The following BABAM2 variants were observed in gnomAD, a reference collection of about 807,000 sequenced individuals.
BABAM2 encodes the protein BRISC and BRCA1-A complex member 2.
A neutral mutation model predicts 54.7 loss-of-function variants in BABAM2; 31 were observed. The ratio of observed to expected loss-of-function variants is 0.57; its 90% CI spans 0.43 to 0.77. BABAM2 has a LOEUF of 0.77. Among genes scored for constraint, BABAM2 ranks in the 30% least tolerant of loss-of-function variants. The pLI is 0.00. For missense variants in BABAM2, 364 were observed against 455.8 expected (o/e 0.80, Z 1.83); for synonymous variants, 167 against 162.9 (o/e 1.03, Z -0.19).
chr2:28,311,317 C>T (rs904534643), intron 11 of BABAM2, among the ~76,000 whole-genome samples: 22 of 151,818 alleles, frequency 1.4e-4, no homozygotes, highest in Non-Finnish European at 2.6e-4. Context: ...CCAATTACCC[C>T]GCCAGCCACT....
At chr2:27,974,774 G>A (rs1671471510) in intron 3 of BABAM2, among the ~76,000 whole-genome samples, 1 of 151,964 alleles carries the variant, frequency 6.6e-6, no homozygotes, top group Non-Finnish European at 1.5e-5. Context: ...GAAATAAAAG[G>A]CATATGGATT....
chr2:28,100,166 T>C (rs796757178), intron 6 of BABAM2, among the ~76,000 whole-genome samples: 2 of 152,234 alleles, frequency 1.3e-5, no homozygotes, highest in African/African-American at 4.8e-5. Context: ...GATGGCTGCC[T>C]TGGCCAGGCA....
intron 7 of BABAM2, among the ~76,000 whole-genome samples, chr2:28,219,802 C>T (rs1403438416): frequency 6.6e-6 from 1 of 152,140 alleles, no homozygotes; most frequent in Non-Finnish European, 1.5e-5. Flanking sequence ...AAAAATAGTG[C>T]TTGAAGGTTG....
At chr2:27,931,765 G>A (rs1668112980) in intron 3 of BABAM2, among the ~76,000 whole-genome samples, 2 of 152,128 alleles carry the variant, frequency 1.3e-5, no homozygotes, top group South Asian at 4.1e-4. Flanking sequence ...ACTTAGGGTA[G>A]TATATTCTTT....
At chr2:28,265,203 G>A (rs548243156) in intron 10 of BABAM2, among the ~76,000 whole-genome samples, 14 of 152,138 alleles carry the variant, frequency 9.2e-5, no homozygotes, top group Non-Finnish European at 1.6e-4. Flanking sequence ...TTGGGAGGCC[G>A]AGGCGGAGGA....
chr2:28,133,990 A>G lies in BABAM2; in HGVS notation c.680+4610A>G, dbSNP rs962242768. ...GCACGCCCTTACGATGCTTAGATGC[A>G]TATTGTTTACCGGTCTCCCACTGCG... On this transcript the variant is annotated intron_variant, in intron 7 of 11. Coordinates refer to ENST00000379624, the MANE Select transcript of BABAM2 (RefSeq NM_199191.3). 9.8e-5 allele frequency among the ~76,000 whole-genome samples: 15 copies of G among 152,290 alleles called. No homozygotes were observed. In the East Asian group the frequency reaches 2.3e-3, roughly 24 times the overall value.
At chr2:28,273,008 C>T (rs1003328050) in intron 10 of BABAM2, among the ~76,000 whole-genome samples, 3 of 152,128 alleles carry the variant, frequency 2.0e-5, no homozygotes, top group Admixed American at 2.0e-4. Flanking sequence ...TCTGGAATGC[C>T]GTGGAACTTT....
chr2:28,304,342 C>T lies in BABAM2; in HGVS notation c.1088+5851C>T, dbSNP rs1688342068. On this transcript the variant is annotated intron_variant, in intron 11 of 11. Transcript: ENST00000379624. This position sits in a 1 kb window ranked among gnomAD's most constrained non-coding sequence, Gnocchi z 4.0. ...AAGTGCTGGCATTACAGGCATGAGC[C>T]ACTGCATTCCACCTGTTTTTGCTTT... Among the ~76,000 whole-genome samples the T allele has an allele frequency of 6.6e-6, 1 of 151,276 alleles. No homozygotes were observed. Among genetic ancestry groups the T allele is most frequent in the African/African-American group, 2.4e-5 (1 of 41,256 alleles).
chr2:28,012,506 A>G (rs1405987827), intron 4 of BABAM2, among the ~76,000 whole-genome samples: 1 of 152,202 alleles, frequency 6.6e-6, no homozygotes, highest in Non-Finnish European at 1.5e-5. Context: ...CTGGTTTAAA[A>G]CTTGAGCATT....
chr2:27,956,636 A>G (rs935976002), intron 3 of BABAM2, among the ~76,000 whole-genome samples: 1 of 152,202 alleles, frequency 6.6e-6, no homozygotes, highest in Non-Finnish European at 1.5e-5. Context: ...AATTTTGGGA[A>G]TCTTCCAGTG....
At chr2:27,935,827 C>T (rs1428261963) in intron 3 of BABAM2, among the ~76,000 whole-genome samples, 2 of 152,200 alleles carry the variant, frequency 1.3e-5, no homozygotes, top group African/African-American at 4.8e-5. Flanking sequence ...CAGGACCCTG[C>T]AGTAGCAAAG....
At chr2:28,122,178 T>C (rs1418774609) in intron 6 of BABAM2, among the ~76,000 whole-genome samples, 1 of 152,066 alleles carries the variant, frequency 6.6e-6, no homozygotes, top group East Asian at 1.9e-4. Context: ...ATTGCACCAC[T>C]GCACTCCAGC....
chr2:28,026,805 A>ATATATAAATATATATTTAT (rs1342372223), intron 5 of BABAM2, among the ~76,000 whole-genome samples: 1 of 76,554 alleles, frequency 1.3e-5, no homozygotes, highest in Non-Finnish European at 2.5e-5. Flanking sequence ...TTATATAAAA[A>ATATATAAATATATATTTAT]ATATATAAAT....
chr2:27,997,962 G>A (rs1009340506), intron 4 of BABAM2, among the ~76,000 whole-genome samples: 1 of 152,136 alleles, frequency 6.6e-6, no homozygotes, highest in Non-Finnish European at 1.5e-5. Flanking sequence ...AGACAAGCCT[G>A]ACCAACATGG....
At chr2:28,188,182 C>T (rs1325813572) in intron 7 of BABAM2, among the ~76,000 whole-genome samples, 1 of 152,126 alleles carries the variant, frequency 6.6e-6, no homozygotes, top group Non-Finnish European at 1.5e-5. Context: ...TAGAAGGCTC[C>T]CATGCCATCA....
chr2:28,150,872 A>G (rs1457071844), intron 7 of BABAM2, among the ~76,000 whole-genome samples: 1 of 152,238 alleles, frequency 6.6e-6, no homozygotes, highest in Non-Finnish European at 1.5e-5. Flanking sequence ...ATCTTTAAAG[A>G]AATGTATTTT....
chr2:28,244,441 T>C (rs1223741850), intron 9 of BABAM2, among the ~76,000 whole-genome samples: 1 of 112,502 alleles, frequency 8.9e-6, no homozygotes, highest in Non-Finnish European at 2.0e-5. Flanking sequence ...CACATTTGTA[T>C]AGTATTTTAT....
intron 4 of BABAM2, among the ~76,000 whole-genome samples, chr2:28,013,029 G>A (rs1674511675): frequency 6.6e-6 from 1 of 152,158 alleles, no homozygotes; most frequent in Non-Finnish European, 1.5e-5. Context: ...ATGGAGTGGG[G>A]CTGCATACTG....
intron 10 of BABAM2, among the ~76,000 whole-genome samples, chr2:28,259,905 C>CTT (rs35967320): frequency 7.8e-4 from 114 of 146,442 alleles, no homozygotes; most frequent in South Asian, 1.5e-3. Context: ...CTTCTGAATT[C>CTT]TTTTTTTTTT....
Sources: gnomAD v4.1 joint callset for allele counts (sites outside exome capture counted in the v4.1 genomes callset) on GRCh38, gnomAD v4.1.1 for gene constraint, Gnocchi (gnomAD v3.1) non-coding constraint, MANE v1.5 for transcripts, NCBI Gene and HGNC (gene_info 2026-07-23, HGNC 2026-07-21) for gene names.